Variants in ZNF69 observed in about 807,000 individuals in gnomAD.
ZNF69 encodes zinc finger protein 69.
Under a neutral mutation model 50.9 loss-of-function variants are expected in ZNF69, and 47 were observed. The observed-to-expected ratio is 0.92, with a 90% confidence interval of 0.73 to 1.18. ZNF69 has a LOEUF of 1.18. ZNF69 is among the 50% of genes most tolerant of loss of function. ZNF69 has a pLI of 0.00. For synonymous variants in ZNF69, 216 were observed against 223.1 expected, an observed-to-expected ratio of 0.97 and a Z score of 0.29; for missense variants, 717 against 675.1, an observed-to-expected ratio of 1.06 and a Z score of -0.69.
Position 11,893,173 on chromosome 19 carries a change from T to A in ZNF69, c.63+5187T>A, listed in dbSNP as rs554808896. On this transcript the variant is annotated intron_variant, in intron 1 of 3. Transcript: ENST00000429654. Reference sequence around the variant, plus strand: ...AATTTTCTAGTTATGTAATCAGAGGTTAATTGGTGGATTCTGCCTGATTAA... The same window carrying A: ...AATTTTCTAGTTATGTAATCAGAGGATAATTGGTGGATTCTGCCTGATTAA... 1.9e-4 allele frequency among the ~76,000 whole-genome samples: 29 copies of A among 152,266 alleles called. No homozygotes were observed. The South Asian group carries it at 5.8e-3, about 30-fold the overall frequency.
chr19:11,916,472 G>T (rs1972523155), downstream of ZNF69, among the ~76,000 whole-genome samples: 1 of 152,098 alleles, frequency 6.6e-6, no homozygotes, highest in South Asian at 2.1e-4. Flanking sequence ...AAAATTAGCT[G>T]GGTGTGGTGG....
chr19:11,906,394 C>T lies in ZNF69; in HGVS notation c.*296C>T. 1.8e-6 allele frequency: 1 copy of T among 546,428 alleles called. No individual in the cohort carries two copies. Among genetic ancestry groups the T allele is most frequent in the Non-Finnish European group, 2.6e-6 (1 of 387,356 alleles). 33.8% of individuals were successfully genotyped at this position (546,428 alleles called of 1,614,324 possible). A position where few individuals can be genotyped will look rare whatever the true frequency, so the allele number is the denominator to read the frequency against. On this transcript the variant is annotated 3_prime_UTR_variant, in exon 4 of 4. Transcript: ENST00000429654. ...CTGCCTCCTCAAGTGGGTCCCTGAT[C>T]TCCAAGTAGCCTAACTGGGAGGCAC...
At chr19:11,975,085 A>C in the ZNF69 span, among the ~76,000 whole-genome samples, 6 of 151,860 alleles carry the variant, frequency 4.0e-5, no homozygotes, top group Non-Finnish European at 8.8e-5. Context: ...GTACGGGCCA[A>C]GATGTTATTT....
chr19:11,900,545 G>T (rs1453747621), intron 1 of ZNF69, among the ~76,000 whole-genome samples: 3 of 151,894 alleles, frequency 2.0e-5, no homozygotes, highest in African/African-American at 7.3e-5. Context: ...TAGAGACGGG[G>T]TTTCACCATG....
chr19:11,911,441 A>G (rs898763222), downstream of ZNF69, among the ~76,000 whole-genome samples: 7 of 152,256 alleles, frequency 4.6e-5, no homozygotes, highest in South Asian at 1.4e-3. Context: ...CATCAATGAT[A>G]GGCTAGATTA....
chr19:11,913,191 C>T (rs911959957), intron 4 of ZNF69, among the ~76,000 whole-genome samples: 15 of 150,246 alleles, frequency 1.0e-4, no homozygotes, highest in African/African-American at 2.7e-4. Context: ...AGTGAGGCTC[C>T]GTTTCAAAAA....
At chr19:11,964,964 T>C in the ZNF69 span, 1 of 494,508 alleles carries the variant, frequency 2.0e-6, no homozygotes, top group Non-Finnish European at 3.7e-6. Context: ...GGGCGGGGCC[T>C]AGCATTCCAT....
downstream of ZNF69, among the ~76,000 whole-genome samples, chr19:11,908,560 T>C (rs908882024): frequency 3.9e-5 from 6 of 152,174 alleles, no homozygotes; most frequent in Admixed American, 6.5e-5. Context: ...AACAACCTGC[T>C]CCTGAATGAC....
chr19:11,976,900 C>T, the ZNF69 span: 2 of 1,524,696 alleles, frequency 1.3e-6, no homozygotes, highest in African/African-American at 1.4e-5. Flanking sequence ...GAAGAAAGTA[C>T]AGAAAGCGAG....
Position 11,906,167 on chromosome 19 carries a change from A to C in ZNF69, c.*69A>C. ...GGACACACAATCAAGAGAAACCATGAATGTAAAGAATGTGGGAAACCCTTC... is the reference window on the plus strand; with the variant it reads ...GGACACACAATCAAGAGAAACCATGCATGTAAAGAATGTGGGAAACCCTTC... On this transcript the variant is annotated 3_prime_UTR_variant, in exon 4 of 4. Coordinates refer to ENST00000429654, the MANE Select transcript of ZNF69 (RefSeq NM_001364730.1). 2 of 1,567,948 alleles carry C rather than the reference A, an allele frequency of 1.3e-6. No individual in the cohort carries two copies. Among genetic ancestry groups the C allele is most frequent in the Non-Finnish European group, 1.7e-6 (2 of 1,163,912 alleles).
chr19:11,941,233 C>T, the ZNF69 span, among the ~76,000 whole-genome samples: 1 of 152,266 alleles, frequency 6.6e-6, no homozygotes, highest in African/African-American at 2.4e-5. Flanking sequence ...GATGGCTTCA[C>T]CCAGTGGATC....
intron 1 of ZNF69, among the ~76,000 whole-genome samples, chr19:11,891,152 A>C (rs1338015661): frequency 6.6e-6 from 1 of 152,142 alleles, no homozygotes; most frequent in African/African-American, 2.4e-5. Context: ...CTGGGCCAGC[A>C]TGATGGCTTA....
intron 1 of ZNF69, among the ~76,000 whole-genome samples, chr19:11,896,936 A>G (rs1972135072): frequency 6.6e-6 from 1 of 152,214 alleles, no homozygotes; most frequent in African/African-American, 2.4e-5. Flanking sequence ...TTTTAAGGAC[A>G]CATGACATTT....
the ZNF69 span, among the ~76,000 whole-genome samples, chr19:11,972,572 A>T: frequency 6.6e-6 from 1 of 152,178 alleles, no homozygotes; most frequent in Non-Finnish European, 1.5e-5. Context: ...CATCCCCATC[A>T]GTATATTTTA....
At chr19:11,919,164 G>A (rs1972546057), downstream of ZNF69, among the ~76,000 whole-genome samples, 1 of 151,790 alleles carries the variant, frequency 6.6e-6, no homozygotes, top group Non-Finnish European at 1.5e-5. Flanking sequence ...CAAAGTGCTG[G>A]GATTACAGGC....
the ZNF69 span, among the ~76,000 whole-genome samples, chr19:11,955,724 T>C: frequency 2.0e-5 from 3 of 152,178 alleles, no homozygotes; most frequent in African/African-American, 7.2e-5. Flanking sequence ...TAGTAGATAA[T>C]CAGTGAATTA....
intron 1 of ZNF69, among the ~76,000 whole-genome samples, 155 bp downstream of exon 1, chr19:11,888,141 T>A (rs916757908): frequency 2.6e-5 from 4 of 152,188 alleles, no homozygotes; most frequent in African/African-American, 9.7e-5. Context: ...CCTCGACTGC[T>A]CGGTGTGGCT....
chr19:11,888,076 G>C, intron 1 of ZNF69, 90 bp downstream of exon 1: 1 of 1,306,682 alleles, frequency 7.7e-7, no homozygotes, highest in Non-Finnish European at 1.1e-6. Context: ...GCTTTCCTGC[G>C]GGCGACTTTG....
downstream of ZNF69, among the ~76,000 whole-genome samples, chr19:11,915,900 T>C (rs1440810245): frequency 6.6e-6 from 1 of 151,918 alleles, no homozygotes; most frequent in East Asian, 1.9e-4. Flanking sequence ...CGAGACTCTG[T>C]CTCCAAAAAA....
Sources: gnomAD v4.1 joint callset for allele counts (sites outside exome capture counted in the v4.1 genomes callset) on GRCh38, gnomAD v4.1.1 for gene constraint, MANE v1.5 for transcripts, NCBI Gene and HGNC (gene_info 2026-07-23, HGNC 2026-07-21) for gene names.